MYO16: variants seen among roughly 807,000 people sequenced by gnomAD.
The protein encoded by MYO16 is myosin XVI.
Under a neutral mutation model 205.3 loss-of-function variants are expected in MYO16, and 94 were observed. That is an observed-to-expected ratio of 0.46 (90% CI 0.39 to 0.54). The LOEUF (loss-of-function observed/expected upper bound fraction) is 0.54. Among genes scored for constraint, MYO16 ranks in the 20% least tolerant of loss-of-function variants. MYO16 has a pLI of 0.00. For missense variants in MYO16, 2,315 were observed against 2,387.5 expected, an observed-to-expected ratio of 0.97 and a Z score of 0.63; for synonymous variants, 988 against 954.0, an observed-to-expected ratio of 1.04 and a Z score of -0.66.
At chr13:108,774,229 C>A (rs1307573033) in intron 4 of MYO16, among the ~76,000 whole-genome samples, 4 of 152,098 alleles carry the variant, frequency 2.6e-5, no homozygotes, top group African/African-American at 9.7e-5. Context: ...CCAATAAATT[C>A]TTGGGGAAAT....
the MYO16 span, among the ~76,000 whole-genome samples, chr13:108,544,110 T>C: frequency 6.6e-6 from 1 of 151,792 alleles, no homozygotes; most frequent in South Asian, 2.1e-4. Flanking sequence ...ATTTATTTTG[T>C]TTTTTATTTA....
At chr13:108,653,504 T>C (rs181645419) in intron 1 of MYO16, among the ~76,000 whole-genome samples, 1 of 152,256 alleles carries the variant, frequency 6.6e-6, no homozygotes, top group African/African-American at 2.4e-5. Flanking sequence ...CCCTGTGTTT[T>C]TTTCTAAGAG....
intron 2 of MYO16, among the ~76,000 whole-genome samples, chr13:108,677,672 C>T (rs1349091744): frequency 6.6e-6 from 1 of 151,952 alleles, no homozygotes; most frequent in Non-Finnish European, 1.5e-5. Flanking sequence ...ATTTCTCGCG[C>T]CATACAATGT....
At chr13:108,518,767 C>T in the MYO16 span, among the ~76,000 whole-genome samples, 1 of 152,094 alleles carries the variant, frequency 6.6e-6, no homozygotes, top group South Asian at 2.1e-4. Flanking sequence ...GTGAATAACT[C>T]TTAGTGTGGT....
chr13:108,953,303 C>A lies in MYO16; in HGVS notation c.1926-4385C>A, dbSNP rs187857920. ...TTTTCAAAATGTTTATTTTACTCGG[C>A]ACAGTTATTTATTTGATTAAGAGCT... On this transcript the variant is annotated intron_variant, in intron 16 of 34. Coordinates refer to ENST00000457511, the MANE Select transcript of MYO16 (RefSeq NM_001198950.3). Among the ~76,000 whole-genome samples the A allele has an allele frequency of 1.2e-4, 19 of 152,206 alleles. No homozygotes were observed. In the East Asian group the frequency reaches 3.3e-3, roughly 26 times the overall value.
intron 20 of MYO16, among the ~76,000 whole-genome samples, chr13:108,986,063 C>T (rs934274493): frequency 2.6e-5 from 4 of 152,192 alleles, no homozygotes; most frequent in Non-Finnish European, 4.4e-5. Flanking sequence ...GGCAAGAGAG[C>T]GTGTGCAAAA....
chr13:108,776,411 C>T lies in MYO16; in HGVS notation c.508-9224C>T, dbSNP rs1386889528. ...TAACACCATTCCACAAGCTCTAGAC[C>T]TTTTGACCTCAGTTCACACCTCCTT... On this transcript the variant is annotated intron_variant, in intron 4 of 34. Transcript: ENST00000457511. Among the ~76,000 whole-genome samples the T allele has an allele frequency of 2.0e-5, 3 of 152,142 alleles. No individual in the cohort carries two copies. In the East Asian group the frequency reaches 5.8e-4, roughly 29 times the overall value.
rs148648254 is a variant in MYO16, at chr13:108,756,636, A to G, written c.508-28999A>G. 1.8e-4 allele frequency among the ~76,000 whole-genome samples: 27 copies of G among 152,268 alleles called. 1 individual carries two copies. In the East Asian group the frequency reaches 5.0e-3, roughly 28 times the overall value. ...AATTTTTGAAAGTTCTTTTTGTAAG[A>G]TGTTTTACTTTCCTAACTACAGAAG... On this transcript the variant is annotated intron_variant, in intron 4 of 34. Coordinates refer to ENST00000457511, the MANE Select transcript of MYO16 (RefSeq NM_001198950.3).
At chr13:108,516,512 T>G in the MYO16 span, among the ~76,000 whole-genome samples, 1 of 152,310 alleles carries the variant, frequency 6.6e-6, no homozygotes, top group African/African-American at 2.4e-5. Flanking sequence ...TGATAGTTAA[T>G]TTTTGAAAAT....
At position 108,920,368 on chromosome 13, in the gene MYO16, CTT is replaced by C. The variant is rs377560594; in HGVS notation, c.1925+10220_1925+10221del. Among the ~76,000 whole-genome samples the C allele has an allele frequency of 3.7e-3, 560 of 150,040 alleles. 2 individuals are homozygous for C. Among genetic ancestry groups the C allele is most frequent in the African/African-American group, 0.013 (526 of 40,734 alleles). ...TTCTTTCTTTTTTCTTTCTTTCTCT[CTT>C]TCTTTCCTTCTCTCTCTCTCCTTCC... On this transcript the variant is annotated intron_variant, in intron 16 of 34. Transcript: ENST00000457511.
intron 22 of MYO16, among the ~76,000 whole-genome samples, chr13:109,011,215 C>A (rs1885585361): frequency 6.6e-6 from 1 of 151,918 alleles, no homozygotes; most frequent in Non-Finnish European, 1.5e-5. Flanking sequence ...TTCCTACTTC[C>A]TTCCTAGTGG....
At chr13:109,097,663 G>A (rs1457236075) in intron 27 of MYO16, among the ~76,000 whole-genome samples, 1 of 152,248 alleles carries the variant, frequency 6.6e-6, no homozygotes, top group Admixed American at 6.5e-5. Flanking sequence ...TCCATTTAGT[G>A]TGAGTAAAAT....
chr13:108,615,874 G>A (rs992309796), intron 1 of MYO16, among the ~76,000 whole-genome samples: 17 of 152,154 alleles, frequency 1.1e-4, no homozygotes, highest in African/African-American at 4.1e-4. Context: ...GTATAAAAGT[G>A]AAATACGCAT....
At chr13:108,886,413 C>T in intron 13 of MYO16, 1 of 456,170 alleles carries the variant, frequency 2.2e-6, no homozygotes, top group South Asian at 1.5e-5. Context: ...CGGCTACGTC[C>T]AGGTTCTTGC....
At chr13:109,201,966 A>G (rs1007782592) in intron 34 of MYO16, among the ~76,000 whole-genome samples, 6 of 151,946 alleles carry the variant, frequency 3.9e-5, no homozygotes, top group Non-Finnish European at 7.4e-5. Flanking sequence ...TCATATATAT[A>G]TATATGTACA....
intron 16 of MYO16, among the ~76,000 whole-genome samples, chr13:108,941,650 C>T (rs1243758052): frequency 7.3e-6 from 1 of 137,588 alleles, no homozygotes; most frequent in Non-Finnish European, 1.5e-5. Flanking sequence ...GCACTCCAGC[C>T]TAGGCGACAG....
chr13:109,027,470 A>G (rs749181722), intron 23 of MYO16, among the ~76,000 whole-genome samples: 62 of 152,188 alleles, frequency 4.1e-4, no homozygotes, highest in Admixed American at 3.3e-3. Context: ...TCTCTTCACC[A>G]CATCGTGGGG....
intron 4 of MYO16, among the ~76,000 whole-genome samples, chr13:108,743,541 G>A (rs988991654): frequency 6.6e-6 from 1 of 152,202 alleles, no homozygotes; most frequent in African/African-American, 2.4e-5. Flanking sequence ...GTCATCTGCT[G>A]AGTGAGGCTC....
intron 3 of MYO16, among the ~76,000 whole-genome samples, chr13:108,720,590 T>C (rs1374574522): frequency 6.6e-6 from 1 of 152,136 alleles, no homozygotes. Context: ...GTTGTTGTTG[T>C]TTTTTAATTT....
Sources: gnomAD v4.1 joint callset for allele counts (sites outside exome capture counted in the v4.1 genomes callset) on GRCh38, gnomAD v4.1.1 for gene constraint, MANE v1.5 for transcripts, NCBI Gene and HGNC (gene_info 2026-07-23, HGNC 2026-07-21) for gene names.